Variants in TRPM4 observed in about 807,000 individuals in gnomAD.
The protein encoded by TRPM4 is transient receptor potential cation channel subfamily M member 4.
A neutral mutation model predicts 135.6 loss-of-function variants in TRPM4; 124 were observed. That is an observed-to-expected ratio of 0.91 (90% CI 0.79 to 1.06). The LOEUF is 1.06. Ranked by LOEUF, TRPM4 falls within the 50% of genes least tolerant of loss-of-function variation. The pLI is 0.00. For synonymous variants in TRPM4, 745 were observed against 705.6 expected, an observed-to-expected ratio of 1.06 and a Z score of -0.88; for missense variants, 1,658 against 1,671.4, an observed-to-expected ratio of 0.99 and a Z score of 0.14.
chr19:49,179,002 C>G (rs1287717638), intron 9 of TRPM4, among the ~76,000 whole-genome samples: 1 of 151,796 alleles, frequency 6.6e-6, no homozygotes, highest in African/African-American at 2.4e-5. Context: ...TCATGATCCA[C>G]CCATCTCGGC....
Position 49,171,835 on chromosome 19 carries a change from G to C in TRPM4, c.1050+66G>C. The C allele has an allele frequency of 6.5e-7, 1 of 1,545,834 alleles. No homozygotes were observed. On this transcript the variant is annotated intron_variant, in intron 8 of 24. Transcript: ENST00000252826. This position sits in a 1 kb window ranked among gnomAD's most constrained non-coding sequence, Gnocchi z 4.7. ...GGGAACTGGGGACTTGGGCTCCTGG[G>C]TCTGAGGGAGGAGGGGCTGGGGGCC...
intron 16 of TRPM4, among the ~76,000 whole-genome samples, chr19:49,192,957 G>T (rs1452714654): frequency 6.6e-6 from 1 of 151,994 alleles, no homozygotes; most frequent in Non-Finnish European, 1.5e-5. Context: ...ATCAGTAATG[G>T]TGTCCTTCCC....
chr19:49,163,195 A>T lies in TRPM4; in HGVS notation c.93-2846A>T, dbSNP rs929785059. Among the ~76,000 whole-genome samples, 11 of 94,660 alleles carry T rather than the reference A, an allele frequency of 1.2e-4. No homozygotes were observed. In the Admixed American group the frequency reaches 1.2e-3, roughly 10 times the overall value. 62.1% of individuals were successfully genotyped at this position (94,660 alleles called of 152,430 possible). On this transcript the variant is annotated intron_variant, in intron 2 of 24. Coordinates refer to ENST00000252826, the MANE Select transcript of TRPM4 (RefSeq NM_017636.4). ...CGTGAAGAGCTTTTATTTTATTATT[A>T]TTATTTTTTTTTTTTTTTGAGGCAG...
chr19:49,189,062 C>T lies in TRPM4; in HGVS notation c.1990C>T (p.Arg664Cys), dbSNP rs748513383. ...CCAGCTGGCCATGCAAGCTGACGCC[C>T]GTGCCTTCTTTGCCCAGGATGGGGT... is the stretch of plus-strand genomic sequence containing the variant. ...CLQLAMQADA[R>C]AFFAQDGVQS... Residue 664 changes from arginine to cysteine, a missense_variant, in exon 14 of 25, where the codon CGT (arginine) becomes TGT (cysteine). Physicochemically the swap from Arg to Cys is radical, Grantham distance 180. This residue lies in a region of TRPM4 where 1,412 missense variants were observed against 1,408.7 expected (regional missense o/e 1.00). Transcript: ENST00000252826. 1.2e-6 allele frequency: 2 copies of T among 1,614,178 alleles called. No individual in the cohort carries two copies. The highest frequency in any genetic ancestry group is 1.1e-5 in the South Asian group (1 of 91,082).
chr19:49,210,475 G>T lies in TRPM4; in HGVS notation c.3328+70G>T. Reference sequence around the variant, plus strand: ...GGAGCCTGGAAGGCGAGGGGAAGGGGGCATGCCCCAAATGACTAACGGGCG... The same window carrying T: ...GGAGCCTGGAAGGCGAGGGGAAGGGTGCATGCCCCAAATGACTAACGGGCG... On this transcript the variant is annotated intron_variant, in intron 21 of 24. Transcript: ENST00000252826. The surrounding 1 kb of genome is among the most constrained non-coding windows in gnomAD (Gnocchi z 4.1). 3 of 1,564,102 alleles carry T rather than the reference G, an allele frequency of 1.9e-6. No homozygotes were observed. Among genetic ancestry groups the T allele is most frequent in the Non-Finnish European group, 2.6e-6 (3 of 1,148,444 alleles).
At chr19:49,167,130 G>C (rs1346734924) in intron 3 of TRPM4, among the ~76,000 whole-genome samples, 1 of 142,222 alleles carries the variant, frequency 7.0e-6, no homozygotes, top group African/African-American at 2.6e-5. Flanking sequence ...CTGGGTCTCT[G>C]TCCCTCTCTC....
intron 16 of TRPM4, among the ~76,000 whole-genome samples, chr19:49,195,905 T>C (rs1344117749): frequency 6.8e-6 from 1 of 147,278 alleles, no homozygotes; most frequent in African/African-American, 2.7e-5. Context: ...TGAGACAGAG[T>C]CTCACTCTGT....
At chr19:49,197,473 C>CTCCT (rs59760626) in intron 17 of TRPM4, among the ~76,000 whole-genome samples, 13,187 of 114,660 alleles carry the variant, frequency 0.12, 908 homozygotes, top group Admixed American at 0.14. Context: ...GCCTCCCTCC[C>CTCCT]TCCTTCCTTC....
intron 20 of TRPM4, among the ~76,000 whole-genome samples, chr19:49,203,501 G>A (rs1270175362): frequency 2.0e-5 from 3 of 152,100 alleles, no homozygotes; most frequent in Non-Finnish European, 2.9e-5. Flanking sequence ...ATTTTTAAGT[G>A]TACAAGTCAG....
chr19:49,198,350 TAA>T (rs1170486704), intron 17 of TRPM4, among the ~76,000 whole-genome samples: 1 of 152,028 alleles, frequency 6.6e-6, no homozygotes, highest in Non-Finnish European at 1.5e-5. Flanking sequence ...GATCTCAGCT[TAA>T]AAGGGAGAAA....
chr19:49,175,958 C>T (rs1405917427), intron 9 of TRPM4, among the ~76,000 whole-genome samples: 2 of 122,404 alleles, frequency 1.6e-5, no homozygotes, highest in Non-Finnish European at 3.3e-5. Flanking sequence ...GAGTCTTTGT[C>T]TGTCGCCCAG....
In TRPM4 at chr19:49,210,388, C is replaced by T; in HGVS notation, c.3311C>T (p.Pro1104Leu). ...CCCCGGAGCCCCCAGCCGTCCTCCC[C>T]GGCCCTCGAGCATTTCCGTAAGAAC... Reference protein sequence around the residue: ...RRPRSPQPSSPALEHFRVYLS... With the variant: ...RRPRSPQPSSLALEHFRVYLS... The change falls in exon 21 of 25, where the codon CCG becomes CTG. Residue 1104 changes from proline to leucine, a missense_variant. By Grantham distance (98) the Pro-to-Leu change is moderately conservative. Transcript: ENST00000252826. The surrounding 1 kb of genome is among the most constrained non-coding windows in gnomAD (Gnocchi z 4.1). 2 of 1,613,776 alleles carry T rather than the reference C, an allele frequency of 1.2e-6. No individual in the cohort carries two copies. The highest frequency in any genetic ancestry group is 1.7e-6 in the Non-Finnish European group (2 of 1,180,026).
At chr19:49,196,094 G>T (rs2682601) in intron 16 of TRPM4, among the ~76,000 whole-genome samples, 4,042 of 151,662 alleles carry the variant, frequency 0.027, 174 homozygotes, top group African/African-American at 0.091. Flanking sequence ...CCCTACCTCA[G>T]GTGATCTGCC....
chr19:49,171,779 T>TG lies in TRPM4; in HGVS notation c.1050+15dup, dbSNP rs752312815. The TG allele has an allele frequency of 2.5e-6, 4 of 1,605,566 alleles. No homozygotes were observed. The South Asian group carries it at 4.4e-5, about 18-fold the overall frequency. ...GGTCCTGCAGGCCCAGGTATGACACTGGGGGCCCAACTCTGGATCCTGAGA... is the reference window on the plus strand; with the variant it reads ...GGTCCTGCAGGCCCAGGTATGACACTGGGGGGCCCAACTCTGGATCCTGAGA... On this transcript the variant is annotated intron_variant, in intron 8 of 24. Transcript: ENST00000252826. This position sits in a 1 kb window ranked among gnomAD's most constrained non-coding sequence, Gnocchi z 4.7.
chr19:49,208,431 C>G (rs568328016), intron 20 of TRPM4, among the ~76,000 whole-genome samples: 2 of 152,236 alleles, frequency 1.3e-5, no homozygotes, highest in South Asian at 4.1e-4. Flanking sequence ...TAACGGGAAT[C>G]TTCCCAGATG....
chr19:49,158,292 G>GGTCC (rs1458487856), intron 2 of TRPM4, 33 bp downstream of exon 2: 5 of 1,605,480 alleles, frequency 3.1e-6, no homozygotes, highest in Non-Finnish European at 4.3e-6. Context: ...GACCCCAGAG[G>GGTCC]GTCCGCGGCC....
At position 49,158,397 on chromosome 19, in the gene TRPM4, C is replaced by G. The variant is rs181568637; in HGVS notation, c.92+138C>G. 59 of 816,074 alleles carry G rather than the reference C, an allele frequency of 7.2e-5. 1 individual carries two copies. Among genetic ancestry groups the G allele is most frequent in the Admixed American group, 3.9e-4 (22 of 56,828 alleles). 50.6% of individuals were successfully genotyped at this position (816,074 alleles called of 1,614,324 possible). A position where few individuals can be genotyped will look rare whatever the true frequency, so the allele number is the denominator to read the frequency against. On this transcript the variant is annotated intron_variant, in intron 2 of 24. Transcript: ENST00000252826. ...CCCAAGGGCGTTCCTTGCCGACGCT[C>G]TCCCTCTAGGAGCGTTTGGGTCTGT...
chr19:49,169,266 C>T (rs1357192408), intron 6 of TRPM4, among the ~76,000 whole-genome samples: 5 of 149,308 alleles, frequency 3.3e-5, no homozygotes, highest in Non-Finnish European at 5.9e-5. Context: ...AGGTGGACAG[C>T]TTGATGCATT....
Position 49,161,546 on chromosome 19 carries a change from C to A in TRPM4, c.92+3287C>A, listed in dbSNP as rs375408197. 7.3e-5 allele frequency among the ~76,000 whole-genome samples: 11 copies of A among 151,580 alleles called. No individual in the cohort carries two copies. In the East Asian group the frequency reaches 1.8e-3, roughly 24 times the overall value. ...CTTTGATACCAGACCAGGCTGGTAT[C>A]CAACTCCTGGACTCAAGTGAGCCTC... On this transcript the variant is annotated intron_variant, in intron 2 of 24. Coordinates refer to ENST00000252826, the MANE Select transcript of TRPM4 (RefSeq NM_017636.4).
Sources: allele counts gnomAD v4.1 joint callset (sites outside exome capture counted in the v4.1 genomes callset), GRCh38; gene constraint gnomAD v4.1.1; regional missense constraint gnomAD v4.1.1; non-coding constraint Gnocchi (gnomAD v3.1); transcripts MANE v1.5; gene names NCBI Gene and HGNC (gene_info 2026-07-23, HGNC 2026-07-21).